ALMS1: variants seen among roughly 807,000 people sequenced by gnomAD.
ALMS1 encodes the protein ALMS1 centrosome and basal body associated protein.
Under a neutral mutation model 352.2 loss-of-function variants are expected in ALMS1, and 271 were observed. That is an observed-to-expected ratio of 0.77 (90% CI 0.70 to 0.85). The LOEUF (loss-of-function observed/expected upper bound fraction) is 0.85, where lower values mean the gene tolerates loss of function less well. Among genes scored for constraint, ALMS1 ranks in the 40% least tolerant of loss-of-function variants. The probability of loss-of-function intolerance (pLI) is 0.00; values close to 1 mark genes in which losing one functional copy is unlikely to be tolerated. For synonymous variants in ALMS1, 1,865 were observed against 1,761.2 expected (o/e 1.06, Z -1.48); for missense variants, 5,445 against 4,870.7 (o/e 1.12, Z -3.51).
At chr2:73,526,515 T>G (rs1673794340) in intron 11 of ALMS1, among the ~76,000 whole-genome samples, 1 of 152,178 alleles carries the variant, frequency 6.6e-6, no homozygotes, top group Non-Finnish European at 1.5e-5. Flanking sequence ...ACTTCTTTGG[T>G]TAATTGCTAG....
chr2:73,572,358 A>C lies in ALMS1; in HGVS notation c.10481A>C (p.Gln3494Pro). Reference protein sequence around the residue: ...IHHPVHLPSDQDICHESLGKS... With the variant: ...IHHPVHLPSDPDICHESLGKS... ...CATCCCGTACACCTACCAAGTGATC[A>C]AGATATTTGCCATGAATCTTTGGGA... Residue 3494 changes from glutamine to proline, a missense_variant, in exon 16 of 23, where the codon CAA becomes CCA. Transcript: ENST00000613296. 1 of 1,608,590 alleles carries C rather than the reference A, an allele frequency of 6.2e-7. No individual in the cohort carries two copies. Among genetic ancestry groups the C allele is most frequent in the Non-Finnish European group, 8.5e-7 (1 of 1,177,868 alleles).
In ALMS1 at chr2:73,491,113, T is replaced by G. The variant is rs1672975660; in HGVS notation, c.9154T>G (p.Cys3052Gly). The G allele has an allele frequency of 1.9e-6, 3 of 1,614,206 alleles. No individual in the cohort carries two copies. The highest frequency in any genetic ancestry group is 3.3e-5 in the Admixed American group (2 of 60,032). Residue 3052 changes from cysteine (C) to glycine (G), a missense_variant, in exon 10 of 23, where the codon TGT becomes GGT. Coordinates refer to ENST00000613296, the MANE Select transcript of ALMS1 (RefSeq NM_001378454.1). ...ACTTTCTTGTGTTCATATAACTCTT[T>G]GTCCCAAGACTTCTTCCAAGTTGGA... is the stretch of plus-strand genomic sequence containing the variant. ...KALSCVHITLCPKTSSKLDSG... is the reference protein window; with the variant it reads ...KALSCVHITLGPKTSSKLDSG...
intron 12 of ALMS1, among the ~76,000 whole-genome samples, chr2:73,538,638 A>G (rs758323821): frequency 2.2e-4 from 34 of 152,300 alleles, no homozygotes; most frequent in South Asian, 8.3e-4. Context: ...TTGCTAGCCA[A>G]GGAAAGGAGT....
At chr2:73,393,081 T>G (rs1213446915) in intron 1 of ALMS1, among the ~76,000 whole-genome samples, 2 of 152,228 alleles carry the variant, frequency 1.3e-5, no homozygotes, top group Non-Finnish European at 2.9e-5. Flanking sequence ...TTTGTGTGTC[T>G]TCTTTGGAGA....
At chr2:73,594,681 A>G (rs537106412) in intron 16 of ALMS1, among the ~76,000 whole-genome samples, 2 of 152,324 alleles carry the variant, frequency 1.3e-5, no homozygotes, top group African/African-American at 4.8e-5. Flanking sequence ...CTTAAATCCA[A>G]TATCTCCTTG....
rs534913971 is a variant in ALMS1 at position 73,424,566 on chromosome 2, A to G, written c.901A>G (p.Ile301Val). The G allele has an allele frequency of 1.2e-6, 2 of 1,614,026 alleles. No homozygotes were observed. Among genetic ancestry groups the G allele is most frequent in the Non-Finnish European group, 8.5e-7 (1 of 1,179,996 alleles). The change falls in exon 5 of 23, where the codon ATA becomes GTA. Residue 301 changes from isoleucine to valine, a missense_variant. Physicochemically the swap from Ile to Val is conservative, Grantham distance 29. Coordinates refer to ENST00000613296, the MANE Select transcript of ALMS1 (RefSeq NM_001378454.1). The stretch of plus-strand genomic sequence containing the variant: ...CTTTAGTGTATCTCAGCACCCGCTT[A>G]TAGGCAGCACAGCTGTTGGGTCTCA... ...SRFSVSQHPLIGSTAVGSQCP... is the reference protein window; with the variant it reads ...SRFSVSQHPLVGSTAVGSQCP...
intron 9 of ALMS1, among the ~76,000 whole-genome samples, chr2:73,461,208 C>A (rs1172247168): frequency 6.6e-6 from 1 of 152,202 alleles, no homozygotes; most frequent in African/African-American, 2.4e-5. Flanking sequence ...AGACTGACAC[C>A]TCACACGACC....
intron 9 of ALMS1, among the ~76,000 whole-genome samples, chr2:73,489,136 A>G (rs1002684588): frequency 6.6e-6 from 1 of 152,196 alleles, no homozygotes; most frequent in Admixed American, 6.5e-5. Flanking sequence ...AATAGTGATG[A>G]TAGTGGTGGT....
intron 9 of ALMS1, among the ~76,000 whole-genome samples, chr2:73,475,359 G>A (rs1672561353): frequency 1.3e-5 from 2 of 151,976 alleles, no homozygotes; most frequent in African/African-American, 2.4e-5. Flanking sequence ...AGTATATGAG[G>A]GTTTCAGTTT....
At chr2:73,461,003 C>A (rs1013096603) in intron 9 of ALMS1, among the ~76,000 whole-genome samples, 2 of 152,242 alleles carry the variant, frequency 1.3e-5, no homozygotes, top group East Asian at 3.8e-4. Context: ...GTAGGCTCCA[C>A]CTCTGGGGGC....
At position 73,452,222 on chromosome 2, in the gene ALMS1, A is replaced by C; in HGVS notation, c.5695A>C (p.Arg1899=). 6.2e-7 allele frequency: 1 copy of C among 1,614,060 alleles called. No individual in the cohort carries two copies. The highest frequency in any genetic ancestry group is 8.5e-7 in the Non-Finnish European group (1 of 1,179,990). ...QIASSSSYSN[R]EKASIFHQQE... is the part of the protein sequence containing the mutation. ...AGCATCCTCTAGTTCCTACTCAAAT[A>C]GAGAGAAGGCCAGTATTTTTCATCA... The change falls in exon 8 of 23, where the codon AGA becomes CGA. Residue 1899 remains arginine (R), a synonymous_variant. Transcript: ENST00000613296.
chr2:73,478,072 A>T (rs527594771), intron 9 of ALMS1, among the ~76,000 whole-genome samples: 2 of 152,146 alleles, frequency 1.3e-5, no homozygotes, highest in Admixed American at 1.3e-4. Context: ...CTAGCTTTTC[A>T]TTATTCGGTA....
chr2:73,579,094 A>C (rs548927705), intron 16 of ALMS1, among the ~76,000 whole-genome samples: 1 of 92,588 alleles, frequency 1.1e-5, no homozygotes, highest in Admixed American at 1.0e-4. Context: ...TTTGAGACGG[A>C]GTCGTCCTGG....
chr2:73,407,271 T>G (rs940350832), intron 1 of ALMS1, among the ~76,000 whole-genome samples: 2 of 152,240 alleles, frequency 1.3e-5, no homozygotes, highest in African/African-American at 4.8e-5. Flanking sequence ...ATCAAGTCAT[T>G]AAGCCGTTCA....
intron 9 of ALMS1, chr2:73,462,789 A>C (rs552675539): frequency 6.6e-6 from 1 of 152,322 alleles, no homozygotes; most frequent in Non-Finnish European, 1.5e-5. Context: ...AAAACAAAAA[A>C]AGGCAGGGGT....
intron 10 of ALMS1, among the ~76,000 whole-genome samples, chr2:73,504,844 T>C (rs963545339): frequency 2.6e-5 from 4 of 152,198 alleles, no homozygotes; most frequent in African/African-American, 9.7e-5. Context: ...ACTCGTCATC[T>C]ACATTACGTA....
chr2:73,556,009 T>TTATCAATATC (rs1674534088), intron 13 of ALMS1, among the ~76,000 whole-genome samples: 3 of 152,156 alleles, frequency 2.0e-5, no homozygotes, highest in Non-Finnish European at 2.9e-5. Flanking sequence ...TCCTTGATAT[T>TTATCAATATC]GATAAACTGT....
At chr2:73,541,230 G>A (rs1167436300) in intron 12 of ALMS1, among the ~76,000 whole-genome samples, 16 of 152,164 alleles carry the variant, frequency 1.1e-4, no homozygotes, top group African/African-American at 1.2e-4. Context: ...ACTCAGAACC[G>A]CTCGACTACA....
intron 11 of ALMS1, among the ~76,000 whole-genome samples, chr2:73,520,614 G>A (rs1393820160): frequency 1.3e-5 from 2 of 152,194 alleles, no homozygotes; most frequent in African/African-American, 4.8e-5. Context: ...ACATATAGGA[G>A]ATGTTTACAG....
Sources: gnomAD v4.1 joint callset for allele counts (sites outside exome capture counted in the v4.1 genomes callset) on GRCh38, gnomAD v4.1.1 for gene constraint, MANE v1.5 for transcripts, NCBI Gene and HGNC (gene_info 2026-07-23, HGNC 2026-07-21) for gene names.